SH3TC2: variants seen among roughly 807,000 people sequenced by gnomAD.
The protein encoded by SH3TC2 is SH3 domain and tetratricopeptide repeat-containing protein 2.
SH3TC2 carries 87 observed loss-of-function variants against 124.5 expected under a neutral mutation model. That is an observed-to-expected ratio of 0.70 (90% confidence interval 0.59 to 0.84). The LOEUF is 0.84. Ranked by LOEUF, SH3TC2 falls within the 40% of genes least tolerant of loss-of-function variation. The pLI is 0.00. For missense variants in SH3TC2, 1,536 were observed against 1,566.4 expected, an observed-to-expected ratio of 0.98 and a Z score of 0.33; for synonymous variants, 634 against 628.5, an observed-to-expected ratio of 1.01 and a Z score of -0.13.
Position 149,004,902 on chromosome 5 carries a change from C to G in SH3TC2, c.3676G>C (p.Asp1226His), listed in dbSNP as rs1753660249. Reference protein sequence around the residue: ...LGRLTFCQLKDAHDATEYFLL... With the variant: ...LGRLTFCQLKHAHDATEYFLL... ...AAGTACTCAGTGGCATCATGGGCAT[C>G]CTAACCCCGTGGTATGGGGGCAAAG... The change falls in exon 17 of 17, where the codon GAT (aspartate) becomes CAT (histidine). Residue 1226 changes from aspartate (D) to histidine (H), a missense_variant and splice_region_variant. Around this residue, in one of 3 missense-constraint regions of SH3TC2, gnomAD observed 426 missense variants for 443.5 expected, o/e 0.96. Transcript: ENST00000515425. 1.2e-6 allele frequency: 2 copies of G among 1,614,202 alleles called. No homozygotes were observed. Among genetic ancestry groups the G allele is most frequent in the East Asian group, 4.5e-5 (2 of 44,884 alleles).
At chr5:149,053,854 A>C (rs2127403841) in intron 1 of SH3TC2, among the ~76,000 whole-genome samples, 1 of 152,312 alleles carries the variant, frequency 6.6e-6, no homozygotes, top group African/African-American at 2.4e-5. Flanking sequence ...AATTGGACTC[A>C]TGAAGATAAA....
intron 14 of SH3TC2, among the ~76,000 whole-genome samples, chr5:149,009,286 G>A (rs1196843494): frequency 2.0e-5 from 3 of 152,200 alleles, no homozygotes; most frequent in East Asian, 3.8e-4. Context: ...CCAAGGTCAC[G>A]TGGAAAGTCG....
chr5:149,045,955 A>T (rs250676), intron 3 of SH3TC2: 102,597 of 418,682 alleles, frequency 0.25, 14,079 homozygotes, highest in African/African-American at 0.35. Flanking sequence ...TGGTTTTTTT[A>T]TAATACCTAA....
Position 149,026,940 on chromosome 5 carries a change from A to T in SH3TC2, c.2792T>A (p.Val931Glu). Residue 931 changes from valine (V) to glutamate (E), a missense_variant, in exon 11 of 17, where the codon GTG (valine) becomes GAG (glutamate). Coordinates refer to ENST00000515425, the MANE Select transcript of SH3TC2 (RefSeq NM_024577.4). ...GCCATGGGTCAGCTGGTGTCCAGACACCAGAACTTGGGCCAACCAGAGAAA... is the reference window on the plus strand; with the variant it reads ...GCCATGGGTCAGCTGGTGTCCAGACTCCAGAACTTGGGCCAACCAGAGAAA... ...QVFLWLAQVL[V>E]SGHQLTHGLL... 1 of 1,614,182 alleles carries T rather than the reference A, an allele frequency of 6.2e-7. No individual in the cohort carries two copies.
At chr5:149,023,968 TCAGAGGAGAATCCTTAAGAAA>T (rs910351736) in intron 12 of SH3TC2, among the ~76,000 whole-genome samples, 16 of 152,192 alleles carry the variant, frequency 1.1e-4, no homozygotes, top group Admixed American at 4.6e-4. Context: ...TGGTTCTTTA[TCAGAGGAGAATCCTTAAGAAA>T]AGATGCACTG....
At chr5:149,020,762 T>C (rs1233785602) in intron 12 of SH3TC2, among the ~76,000 whole-genome samples, 1 of 152,132 alleles carries the variant, frequency 6.6e-6, no homozygotes, top group African/African-American at 2.4e-5. Context: ...GGCATAATTA[T>C]AAATATATAT....
At position 149,010,433 on chromosome 5, in the gene SH3TC2, G is replaced by C. The variant is rs745708863; in HGVS notation, c.3205-41C>G. 1.9e-6 allele frequency: 3 copies of C among 1,611,996 alleles called. No homozygotes were observed. In the South Asian group the frequency reaches 3.3e-5, roughly 18 times the overall value. Reference sequence around the variant, plus strand: ...ACAGCTGTTAAAGGCAGAGAGGAGGGCTTCCTGACCTCCACAGGACTGGCA... The same window carrying C: ...ACAGCTGTTAAAGGCAGAGAGGAGGCCTTCCTGACCTCCACAGGACTGGCA... On this transcript the variant is annotated intron_variant, in intron 13 of 16. Coordinates refer to ENST00000515425, the MANE Select transcript of SH3TC2 (RefSeq NM_024577.4).
chr5:149,024,868 C>T (rs552097439), intron 12 of SH3TC2, among the ~76,000 whole-genome samples: 2 of 152,284 alleles, frequency 1.3e-5, no homozygotes, highest in East Asian at 1.9e-4. Context: ...TGGCTTCCCC[C>T]TTAATATTTC....
At position 149,028,547 on chromosome 5, in the gene SH3TC2, C is replaced by T; in HGVS notation, c.1185G>A (p.Gln395=). The change falls in exon 11 of 17, where the codon CAG becomes CAA. Residue 395 remains glutamine, a synonymous_variant. Transcript: ENST00000515425. ...QNPPNDLSAS[Q]PEGFKEVRPG... is the part of the protein sequence containing the mutation. ...GCCTGACCTCCTTGAAACCTTCAGG[C>T]TGGGATGCTGTAAGGACAGGCAAAG... 1 of 1,614,152 alleles carries T rather than the reference C, an allele frequency of 6.2e-7. No individual in the cohort carries two copies. The highest frequency in any genetic ancestry group is 8.5e-7 in the Non-Finnish European group (1 of 1,180,022).
At chr5:149,017,434 GATAT>G (rs1328687757) in intron 12 of SH3TC2, among the ~76,000 whole-genome samples, 1 of 152,138 alleles carries the variant, frequency 6.6e-6, no homozygotes, top group African/African-American at 2.4e-5. Flanking sequence ...TGATCCTGCA[GATAT>G]TAGACAAAGG....
Position 149,003,731 on chromosome 5 carries a change from G to A in SH3TC2, c.*980C>T, listed in dbSNP as rs1226460390. 2 of 432,016 alleles carry A rather than the reference G, an allele frequency of 4.6e-6. No homozygotes were observed. Among genetic ancestry groups the A allele is most frequent in the Non-Finnish European group, 9.1e-6 (2 of 219,004 alleles). 26.8% of individuals were successfully genotyped at this position (432,016 alleles called of 1,614,324 possible). On this transcript the variant is annotated 3_prime_UTR_variant, in exon 17 of 17. Transcript: ENST00000515425. ...TAGTTGGGTATGGCACATGCCTGTA[G>A]TTCCAGCTACTCAGGAGGTTGACAC...
chr5:149,037,697 C>G (rs2127399869), intron 8 of SH3TC2, among the ~76,000 whole-genome samples: 1 of 152,344 alleles, frequency 6.6e-6, no homozygotes, highest in Non-Finnish European at 1.5e-5. Context: ...CCCGATATCT[C>G]TGTCCTTCCA....
chr5:148,984,060 A>G lies in SH3TC2; in HGVS notation c.*20651T>C, dbSNP rs1362344204. On this transcript the variant is annotated 3_prime_UTR_variant, in exon 17 of 17. Transcript: ENST00000515425. ...AGAACCTGCATACAACTTCTTGTAC[A>G]TGAATATTGATATCACTTCCCAGAT... Among the ~76,000 whole-genome samples the G allele has an allele frequency of 1.3e-5, 2 of 152,226 alleles. No homozygotes were observed. Among genetic ancestry groups the G allele is most frequent in the African/African-American group, 4.8e-5 (2 of 41,464 alleles).
chr5:149,019,015 C>T (rs1753924462), intron 12 of SH3TC2, among the ~76,000 whole-genome samples: 1 of 152,190 alleles, frequency 6.6e-6, no homozygotes, highest in Non-Finnish European at 1.5e-5. Context: ...TGGCTTTGAG[C>T]TTTGTGAGAA....
At position 149,052,177 on chromosome 5, in the gene SH3TC2, T is replaced by C. The variant is rs1483637887; in HGVS notation, c.116A>G (p.Lys39Arg). ...SSECIASSEYKEKCFLPQNIN... is the reference protein window; with the variant it reads ...SSECIASSEYREKCFLPQNIN... ...GTTCTGTGGCAGAAAACATTTTTCCTTGTATTCAGATGAGGCTATACACTC... is the reference window on the plus strand; with the variant it reads ...GTTCTGTGGCAGAAAACATTTTTCCCTGTATTCAGATGAGGCTATACACTC... Residue 39 changes from lysine (K) to arginine (R), a missense_variant, in exon 2 of 17, where the codon AAG becomes AGG. Lys to Arg is a conservative substitution (Grantham distance 26). Around this residue, in one of 3 missense-constraint regions of SH3TC2, gnomAD observed 1,102 missense variants for 1,098.6 expected, o/e 1.00. Coordinates refer to ENST00000515425, the MANE Select transcript of SH3TC2 (RefSeq NM_024577.4). 2 of 1,613,690 alleles carry C rather than the reference T, an allele frequency of 1.2e-6. No individual in the cohort carries two copies. The highest frequency in any genetic ancestry group is 2.2e-5 in the East Asian group (1 of 44,852).
At chr5:149,050,661 T>C (rs1373235926) in intron 2 of SH3TC2, among the ~76,000 whole-genome samples, 1 of 152,216 alleles carries the variant, frequency 6.6e-6, no homozygotes, top group African/African-American at 2.4e-5. Context: ...AAAGTTTTTC[T>C]CATTGTCAAC....
Position 148,992,771 on chromosome 5 carries a change from C to T in SH3TC2, c.*11940G>A, listed in dbSNP as rs1308882010. Among the ~76,000 whole-genome samples, 1 of 152,128 alleles carries T rather than the reference C, an allele frequency of 6.6e-6. No individual in the cohort carries two copies. Among genetic ancestry groups the T allele is most frequent in the Non-Finnish European group, 1.5e-5 (1 of 68,018 alleles). On this transcript the variant is annotated 3_prime_UTR_variant, in exon 17 of 17. Coordinates refer to ENST00000515425, the MANE Select transcript of SH3TC2 (RefSeq NM_024577.4). ...CCCAGATCACCTGACCCCAATCCCA[C>T]TGCTCTTTAACTACATCACACTGAG...
rs1397459526 is a variant in SH3TC2 at position 148,999,967 on chromosome 5, A to T, written c.*4744T>A. Reference sequence around the variant, plus strand: ...CACCCTCTGGACCTTTGCTTGACACATGCACTGTCTGTCAATACCAACCTG... The same window carrying T: ...CACCCTCTGGACCTTTGCTTGACACTTGCACTGTCTGTCAATACCAACCTG... On this transcript the variant is annotated 3_prime_UTR_variant, in exon 17 of 17. Coordinates refer to ENST00000515425, the MANE Select transcript of SH3TC2 (RefSeq NM_024577.4). 6.6e-6 allele frequency among the ~76,000 whole-genome samples: 1 copy of T among 152,152 alleles called. No homozygotes were observed. Among genetic ancestry groups the T allele is most frequent in the Non-Finnish European group, 1.5e-5 (1 of 68,022 alleles).
intron 8 of SH3TC2, among the ~76,000 whole-genome samples, chr5:149,032,989 G>A (rs1231524089): frequency 6.6e-6 from 1 of 152,064 alleles, no homozygotes; most frequent in East Asian, 1.9e-4. Context: ...AAGTTTTATA[G>A]ATCTCTTAAA....
Sources: gnomAD v4.1 joint callset for allele counts (sites outside exome capture counted in the v4.1 genomes callset) on GRCh38, gnomAD v4.1.1 for gene constraint, gnomAD v4.1.1 regional missense constraint, MANE v1.5 for transcripts, NCBI Gene and HGNC (gene_info 2026-07-23, HGNC 2026-07-21) for gene names.